The following LRRC71 variants were observed in gnomAD, a reference collection of about 807,000 sequenced individuals.
The protein encoded by LRRC71 is leucine rich repeat containing 71, also known as leucine-rich repeat-containing protein 71.
In LRRC71, 54 loss-of-function variants were observed where a neutral mutation model predicts 66.6. The ratio of observed to expected loss-of-function variants is 0.81; its 90% CI spans 0.65 to 1.02. LRRC71 has a LOEUF of 1.02. Ranked by LOEUF, LRRC71 falls within the 50% of genes least tolerant of loss-of-function variation. The pLI, the probability that LRRC71 is intolerant of heterozygous loss-of-function variation, is 0.00. For missense variants in LRRC71, 724 were observed against 718.0 expected (o/e 1.01, Z -0.10); for synonymous variants, 323 against 303.9 (o/e 1.06, Z -0.65).
chr1:156,929,172 T>C (rs1653884822), intron 9 of LRRC71, 108 bp from the exon 10 acceptor site: 4 of 1,305,926 alleles, frequency 3.1e-6, no homozygotes, highest in Non-Finnish European at 4.2e-6. Context: ...GGTGGGAGGG[T>C]GCTGTCAGCT....
chr1:156,933,305 C>T (rs1654651974), downstream of LRRC71, among the ~76,000 whole-genome samples: 5 of 152,226 alleles, frequency 3.3e-5, no homozygotes, highest in South Asian at 4.1e-4. Flanking sequence ...ATTCCCCCAC[C>T]GTGTTCCCTA....
downstream of LRRC71, among the ~76,000 whole-genome samples, chr1:156,933,409 G>A (rs1347344627): frequency 6.6e-6 from 1 of 152,202 alleles, no homozygotes; most frequent in Non-Finnish European, 1.5e-5. Flanking sequence ...GTGGGAGCAG[G>A]AGTAGGTGAA....
At chr1:156,928,823 G>T (rs1449004330) in intron 9 of LRRC71, among the ~76,000 whole-genome samples, 3 of 151,808 alleles carry the variant, frequency 2.0e-5, no homozygotes, top group Non-Finnish European at 4.4e-5. Flanking sequence ...CGCCCACCTC[G>T]GCCTCCTAAA....
intron 5 of LRRC71, among the ~76,000 whole-genome samples, chr1:156,925,779 C>T (rs936833752): frequency 6.6e-6 from 1 of 152,226 alleles, no homozygotes; most frequent in Non-Finnish European, 1.5e-5. Flanking sequence ...GCTTGCCTGT[C>T]TTCCTCCTGT....
chr1:156,929,145 AT>A lies in LRRC71; in HGVS notation c.997-132del, dbSNP rs1466474618. The A allele has an allele frequency of 3.8e-6, 4 of 1,039,938 alleles. No individual in the cohort carries two copies. In the East Asian group the frequency reaches 7.9e-5, roughly 20 times the overall value. 64.4% of individuals were successfully genotyped at this position (1,039,938 alleles called of 1,614,324 possible). On this transcript the variant is annotated intron_variant, in intron 9 of 14. Coordinates refer to ENST00000337428, the MANE Select transcript of LRRC71 (RefSeq NM_144702.3). Reference sequence around the variant, plus strand: ...GGAGTCCTATACAAATTATTTTAGCATTTAGGCAGGGAGGTGGGTGGGAGGG... The same window carrying A: ...GGAGTCCTATACAAATTATTTTAGCATTAGGCAGGGAGGTGGGTGGGAGGG...
At chr1:156,921,194 GCC>G (rs1251400621) in intron 1 of LRRC71, among the ~76,000 whole-genome samples, 1 of 152,182 alleles carries the variant, frequency 6.6e-6, no homozygotes, top group Non-Finnish European at 1.5e-5. Context: ...AGAGAGGAAG[GCC>G]CAGGGGGTGA....
At chr1:156,934,037 G>C (rs910940013), downstream of LRRC71, among the ~76,000 whole-genome samples, 13 of 152,260 alleles carry the variant, frequency 8.5e-5, no homozygotes, top group South Asian at 2.7e-3. Flanking sequence ...AGCTTCACCA[G>C]GGAAAACCTA....
chr1:156,937,242 C>G (rs773488750), downstream of LRRC71: 13 of 1,611,334 alleles, frequency 8.1e-6, no homozygotes, highest in Non-Finnish European at 1.1e-5. Flanking sequence ...AGCCCTGCTT[C>G]CCTCACCTTG....
Position 156,924,114 on chromosome 1 carries a change from G to A in LRRC71, c.310+16G>A. On this transcript the variant is annotated intron_variant, in intron 2 of 14. Coordinates refer to ENST00000337428, the MANE Select transcript of LRRC71 (RefSeq NM_144702.3). ...GCCACCTTAGGTGAGTGACAGTGGAGCTCCCCGGTGCCTGCCAGGGCCGCC... is the reference window on the plus strand; with the variant it reads ...GCCACCTTAGGTGAGTGACAGTGGAACTCCCCGGTGCCTGCCAGGGCCGCC... 2 of 1,548,828 alleles carry A rather than the reference G, an allele frequency of 1.3e-6. No homozygotes were observed. Among genetic ancestry groups the A allele is most frequent in the Non-Finnish European group, 1.7e-6 (2 of 1,146,576 alleles).
downstream of LRRC71, among the ~76,000 whole-genome samples, chr1:156,934,092 T>G (rs1043172269): frequency 6.6e-6 from 1 of 152,206 alleles, no homozygotes; most frequent in Admixed American, 6.5e-5. Flanking sequence ...AGGTGCTGGA[T>G]GATGGTCACC....
Position 156,920,821 on chromosome 1 carries a change from C to A in LRRC71, c.18C>A (p.Ser6Arg). 1 of 1,528,970 alleles carries A rather than the reference C, an allele frequency of 6.5e-7. No homozygotes were observed. The highest frequency in any genetic ancestry group is 2.1e-5 in the Admixed American group (1 of 48,138). The allele number at this position is 1,528,970 out of a possible 1,614,324, so 94.7% of individuals were successfully genotyped here. Residue 6 changes from serine to arginine, a missense_variant, in exon 1 of 15, where the codon AGC (serine) becomes AGA (arginine). Coordinates refer to ENST00000337428, the MANE Select transcript of LRRC71 (RefSeq NM_144702.3). This position sits in a 1 kb window ranked among gnomAD's most constrained non-coding sequence, Gnocchi z 4.9. MSSEQ[S>R]APGASPRAPR... ...ACACCAGCATGTCGAGCGAGCAGAG[C>A]GCGCCGGGGGCCTCACCCAGGGCCC... is the stretch of plus-strand genomic sequence containing the variant.
chr1:156,933,132 A>G (rs1393461263), downstream of LRRC71: 27 of 583,842 alleles, frequency 4.6e-5, no homozygotes, highest in Non-Finnish European at 3.0e-5. Flanking sequence ...TACTTGGAAC[A>G]TTTAGATTTT....
At chr1:156,938,078 C>T (rs567849738), downstream of LRRC71, among the ~76,000 whole-genome samples, 5 of 152,298 alleles carry the variant, frequency 3.3e-5, no homozygotes, top group South Asian at 2.1e-4. Flanking sequence ...ACTGGAGCGG[C>T]GGCTGAGGTG....
chr1:156,935,999 G>GT (rs765736128), downstream of LRRC71: 11 of 1,613,120 alleles, frequency 6.8e-6, no homozygotes, highest in Non-Finnish European at 9.3e-6. Flanking sequence ...GGTTTGTACG[G>GT]TTATGGTCCT....
chr1:156,930,046 C>CTTTCTTTCTTTCTT (rs1553189676), intron 11 of LRRC71, among the ~76,000 whole-genome samples: 71 of 125,270 alleles, frequency 5.7e-4, no homozygotes, highest in African/African-American at 1.8e-3. Context: ...CTTTCTTTCT[C>CTTTCTTTCTTTCTT]TTTCTTTCTT....
intron 12 of LRRC71, 101 bp from the exon 13 acceptor site, chr1:156,931,815 T>C (rs1327951370): frequency 3.2e-6 from 3 of 923,368 alleles, no homozygotes; most frequent in Non-Finnish European, 3.4e-6. Flanking sequence ...GCCTGGACTA[T>C]AGCCGGCAGT....
downstream of LRRC71, among the ~76,000 whole-genome samples, chr1:156,934,595 C>G (rs1029501233): frequency 1.1e-4 from 16 of 151,512 alleles, no homozygotes; most frequent in African/African-American, 3.2e-4. Context: ...ATATATATAT[C>G]TGTGTGTGTG....
the LRRC71 span, chr1:156,939,025 T>TG: frequency 5.2e-6 from 1 of 193,478 alleles, no homozygotes; most frequent in Admixed American, 5.8e-5. Context: ...CCTGCCACCT[T>TG]GTTCACTCCC....
the LRRC71 span, chr1:156,940,082 A>G: frequency 7.1e-7 from 1 of 1,401,218 alleles, no homozygotes; most frequent in South Asian, 1.4e-5. Flanking sequence ...CTGTCTCCGC[A>G]TCCATCTCTC....
Sources: gnomAD v4.1 joint callset for allele counts (sites outside exome capture counted in the v4.1 genomes callset) on GRCh38, gnomAD v4.1.1 for gene constraint, Gnocchi (gnomAD v3.1) non-coding constraint, MANE v1.5 for transcripts, NCBI Gene and HGNC (gene_info 2026-07-23, HGNC 2026-07-21) for gene names.